Variants in IQSEC2 observed in about 807,000 individuals in gnomAD.
IQSEC2 encodes the protein IQ motif and Sec7 domain ArfGEF 2.
IQSEC2 carries 6 observed loss-of-function variants against 74.6 expected under a neutral mutation model. That is an observed-to-expected ratio of 0.08 (90% CI 0.04 to 0.16). IQSEC2 has a LOEUF of 0.16. IQSEC2 is among the 10% of genes least tolerant of loss of function. The pLI is 1.00. For synonymous variants in IQSEC2, 494 were observed against 544.5 expected (o/e 0.91, Z 1.29); for missense variants, 734 against 1,306.2 (o/e 0.56, Z 6.75).
chrX:53,312,408 C>A (rs1397941105), intron 1 of IQSEC2, among the ~76,000 whole-genome samples: 2 of 111,765 alleles, frequency 1.8e-5, no homozygotes, highest in Non-Finnish European at 3.8e-5. Context: ...ATTATGAGCA[C>A]CTTGAAGCCA....
chrX:53,294,255 G>A (rs2075129031), intron 1 of IQSEC2, among the ~76,000 whole-genome samples: 1 of 112,680 alleles, frequency 8.9e-6, no homozygotes, highest in Non-Finnish European at 1.9e-5. Flanking sequence ...AAGTCATGAT[G>A]CAGCGGGGAA....
At chrX:53,292,363 A>C (rs1407019824) in intron 1 of IQSEC2, among the ~76,000 whole-genome samples, 1 of 112,019 alleles carries the variant, frequency 8.9e-6, no homozygotes, top group African/African-American at 3.2e-5. Flanking sequence ...TGGGCAAGTC[A>C]CTTCACCTCT....
chrX:53,303,200 CAAA>C (rs374516627), intron 1 of IQSEC2, among the ~76,000 whole-genome samples: 1 of 63,356 alleles, frequency 1.6e-5, no homozygotes, highest in African/African-American at 5.5e-5. Context: ...GAGACTCTGT[CAAA>C]AAAAAAAAAA....
intron 2 of IQSEC2, chrX:53,266,936 T>G (rs1556867801): frequency 6.1e-6 from 7 of 1,146,951 alleles, no homozygotes; most frequent in Middle Eastern, 2.8e-4. Flanking sequence ...CTTTTGCTTC[T>G]GCATAGAAAA....
chrX:53,260,326 G>A (rs1490323007), intron 2 of IQSEC2, among the ~76,000 whole-genome samples: 2 of 111,844 alleles, frequency 1.8e-5, no homozygotes, highest in Non-Finnish European at 3.8e-5. Flanking sequence ...TCGAGAAACA[G>A]TGAAGAGGCC....
chrX:53,230,399 T>A (rs1385623320), downstream of IQSEC2: 1 of 113,019 alleles, frequency 8.8e-6, no homozygotes, highest in Non-Finnish European at 1.9e-5. Flanking sequence ...TACATTTACA[T>A]TGAATAAAAT....
chrX:53,242,671 G>GC (rs2074242444), intron 9 of IQSEC2, among the ~76,000 whole-genome samples: 1 of 111,688 alleles, frequency 9.0e-6, no homozygotes, highest in South Asian at 3.7e-4. Context: ...CAACTCTGGT[G>GC]CCCAGCAAAT....
intron 2 of IQSEC2, among the ~76,000 whole-genome samples, chrX:53,264,570 G>A (rs893481161): frequency 9.2e-6 from 1 of 108,629 alleles, no homozygotes; most frequent in Non-Finnish European, 1.9e-5. Flanking sequence ...ACAGAGTAAT[G>A]TACCCACCAT....
At chrX:53,242,012 G>A in intron 9 of IQSEC2, 103 bp from the exon 10 acceptor site, 1 of 992,320 alleles carries the variant, frequency 1.0e-6, no homozygotes, top group Non-Finnish European at 1.4e-6. Context: ...ACTCATACAT[G>A]TGTGTCACTC....
chrX:53,238,102 CTG>C, intron 12 of IQSEC2, 41 bp downstream of exon 12: 1 of 1,164,607 alleles, frequency 8.6e-7, no homozygotes, highest in Non-Finnish European at 1.2e-6. Flanking sequence ...CTGCAGGGTA[CTG>C]TTTCAGGAGA....
intron 2 of IQSEC2, among the ~76,000 whole-genome samples, chrX:53,273,791 T>A (rs1272345576): frequency 8.9e-6 from 1 of 112,427 alleles, no homozygotes; most frequent in African/African-American, 3.2e-5. Context: ...TTGGATCTGC[T>A]ACAGAGTAAT....
chrX:53,319,048 G>A (rs1297369350), intron 1 of IQSEC2, among the ~76,000 whole-genome samples: 1 of 112,773 alleles, frequency 8.9e-6, no homozygotes, highest in African/African-American at 3.2e-5. Context: ...GAGCCCAGCC[G>A]AGCCCTCAAG....
At chrX:53,255,068 G>GT (rs1162266706) in intron 3 of IQSEC2, 137 bp from the exon 4 acceptor site, 3 of 547,343 alleles carry the variant, frequency 5.5e-6, no homozygotes, top group Non-Finnish European at 8.9e-6. Context: ...TAGGTGCTCA[G>GT]TGTTGTCTCC....
chrX:53,316,140 T>G (rs1849385080), intron 1 of IQSEC2, among the ~76,000 whole-genome samples: 1 of 112,100 alleles, frequency 8.9e-6, no homozygotes, highest in African/African-American at 3.2e-5. Context: ...CTGCAAGCGC[T>G]AAGAGTGCAG....
chrX:53,236,606 C>T, intron 12 of IQSEC2, 111 bp from the exon 13 acceptor site: 1 of 874,213 alleles, frequency 1.1e-6, no homozygotes, highest in Non-Finnish European at 1.6e-6. Context: ...CCTCCTCCCT[C>T]CCTCTGTCCC....
chrX:53,234,987 T>A lies in IQSEC2; in HGVS notation c.3699A>T (p.Ser1233=). ...GGTGGTGGTGCGTGGAAGAAGCAGA[T>A]GAAGAGGAGGCAGAGGCCTGGCCTG... The part of the protein sequence containing the change: ...PPTGQASASS[S]SASSTHHHHH... The change falls in exon 15 of 15, where the codon TCA becomes TCT. Residue 1233 remains serine, a synonymous_variant. Transcript: ENST00000642864. 8.6e-7 allele frequency: 1 copy of A among 1,166,919 alleles called. No individual in the cohort carries two copies. The highest frequency in any genetic ancestry group is 1.1e-6 in the Non-Finnish European group (1 of 872,781).
intron 10 of IQSEC2, among the ~76,000 whole-genome samples, chrX:53,240,258 A>T (rs2074198103): frequency 8.9e-6 from 1 of 112,180 alleles, no homozygotes; most frequent in African/African-American, 3.2e-5. Flanking sequence ...CCCCCAGAGG[A>T]CACGGAGCAA....
At chrX:53,248,672 C>A in intron 6 of IQSEC2, 49 bp downstream of exon 6, 1 of 1,186,711 alleles carries the variant, frequency 8.4e-7, no homozygotes, top group South Asian at 1.8e-5. Flanking sequence ...CTCTTGCTGT[C>A]CTTTTCCAGG....
At position 53,255,976 on chromosome X, in the gene IQSEC2, G is replaced by A. The variant is rs782609666; in HGVS notation, c.823C>T (p.Pro275Ser). 4.2e-6 allele frequency: 5 copies of A among 1,191,569 alleles called. No homozygotes were observed. The highest frequency in any genetic ancestry group is 3.0e-5 in the East Asian group (1 of 33,093). ...SQPPYRLSQL[P>S]PSSSHMGGPP... ...CCCCCCATGTGGCTGCTGGAGGGGG[G>A]CAGCTGGCTCAGCCGGTAGGGGGGT... Residue 275 changes from proline (P) to serine (S), a missense_variant, in exon 3 of 15, where the codon CCC becomes TCC. Physicochemically the swap from Pro to Ser is moderately conservative, Grantham distance 74. Coordinates refer to ENST00000642864, the MANE Select transcript of IQSEC2 (RefSeq NM_001111125.3).
Sources: gnomAD v4.1 joint callset for allele counts (sites outside exome capture counted in the v4.1 genomes callset) on GRCh38, gnomAD v4.1.1 for gene constraint, MANE v1.5 for transcripts, NCBI Gene and HGNC (gene_info 2026-07-23, HGNC 2026-07-21) for gene names.